The following ZSCAN1 variants were observed in gnomAD, a reference collection of about 807,000 sequenced individuals.
ZSCAN1 encodes the protein zinc finger and SCAN domain containing 1, also known as zinc finger and SCAN domain-containing protein 1.
Under a neutral mutation model 23.8 loss-of-function variants are expected in ZSCAN1, and 23 were observed. The ratio of observed to expected loss-of-function variants is 0.97; its 90% CI spans 0.70 to 1.37. The LOEUF is 1.37. Among genes scored for constraint, ZSCAN1 ranks in the 40% most tolerant of loss-of-function variants. ZSCAN1 has a pLI of 0.00. For synonymous variants in ZSCAN1, 236 were observed against 232.3 expected (o/e 1.02, Z -0.15); for missense variants, 575 against 554.0 (o/e 1.04, Z -0.38).
rs2073834478 is a variant in ZSCAN1, at chr19:58,047,600, T to C, written c.466-4890T>C. ...GGATTTACTGTGTCAGGGATGAGCC[T>C]GGCTCGGGTTGGTGGGGCTCTGAAG... On this transcript the variant is annotated intron_variant, in intron 4 of 5. Transcript: ENST00000282326. This position sits in a 1 kb window ranked among gnomAD's most constrained non-coding sequence, Gnocchi z 4.9. 6.6e-6 allele frequency among the ~76,000 whole-genome samples: 1 copy of C among 152,208 alleles called. No individual in the cohort carries two copies. The highest frequency in any genetic ancestry group is 2.4e-5 in the African/African-American group (1 of 41,456).
intron 1 of ZSCAN1, among the ~76,000 whole-genome samples, chr19:58,034,593 C>T (rs1341668946): frequency 6.6e-6 from 1 of 151,604 alleles, no homozygotes; most frequent in East Asian, 2.0e-4. Context: ...GAACAGCCGC[C>T]CCCGGACCCA....
rs2073879149 is a variant in ZSCAN1 at position 58,054,335 on chromosome 19, G to A, written c.*284G>A. 1.1e-5 allele frequency: 4 copies of A among 352,004 alleles called. No individual in the cohort carries two copies. Among genetic ancestry groups the A allele is most frequent in the Admixed American group, 4.2e-5 (1 of 23,620 alleles). 21.8% of individuals were successfully genotyped at this position (352,004 alleles called of 1,614,324 possible). A position where few individuals can be genotyped will look rare whatever the true frequency, so the allele number is the denominator to read the frequency against. The stretch of plus-strand genomic sequence containing the variant: ...AGTGGCTTGAAGAGGAGTTTCATTC[G>A]CGTCCCATCTTTCAGAAGCCTTGTC... On this transcript the variant is annotated 3_prime_UTR_variant, in exon 6 of 6. Transcript: ENST00000282326. This position sits in a 1 kb window ranked among gnomAD's most constrained non-coding sequence, Gnocchi z 4.2.
chr19:58,048,037 C>G (rs1276709937), intron 4 of ZSCAN1, among the ~76,000 whole-genome samples: 1 of 152,240 alleles, frequency 6.6e-6, no homozygotes, highest in Non-Finnish European at 1.5e-5. Flanking sequence ...AGGAATGGCA[C>G]AGGCAGCCAG....
intron 4 of ZSCAN1, among the ~76,000 whole-genome samples, chr19:58,051,870 G>C (rs1160062694): frequency 6.6e-6 from 1 of 152,258 alleles, no homozygotes; most frequent in Non-Finnish European, 1.5e-5. Context: ...TGGACACCAA[G>C]CCAAGCCCCT....
At chr19:58,052,978 G>A (rs1259815127) in intron 5 of ZSCAN1, among the ~76,000 whole-genome samples, 2 of 139,406 alleles carry the variant, frequency 1.4e-5, no homozygotes, top group African/African-American at 2.7e-5. Flanking sequence ...TTTTTTTTTC[G>A]AGACAGAGTC....
chr19:58,045,857 A>G lies in ZSCAN1; in HGVS notation c.465+5313A>G. The G allele has an allele frequency of 9.0e-7, 1 of 1,117,226 alleles. No homozygotes were observed. The highest frequency in any genetic ancestry group is 1.7e-5 in the Admixed American group (1 of 59,276). The allele number at this position is 1,117,226 out of a possible 1,614,324, so 69.2% of individuals were successfully genotyped here. A position where few individuals can be genotyped will look rare whatever the true frequency, so the allele number is the denominator to read the frequency against. On this transcript the variant is annotated intron_variant, in intron 4 of 5. Coordinates refer to ENST00000282326, the MANE Select transcript of ZSCAN1 (RefSeq NM_182572.4). The surrounding 1 kb of genome is among the most constrained non-coding windows in gnomAD (Gnocchi z 4.3). The stretch of plus-strand genomic sequence containing the variant: ...CTCCCGGACACCCTCTTGCCAGCCG[A>G]CCAGCTCAAGTCCACACTGCAGACT...
chr19:58,046,340 C>T (rs1200724408), intron 4 of ZSCAN1: 14 of 920,118 alleles, frequency 1.5e-5, no homozygotes, highest in Non-Finnish European at 2.6e-5. Context: ...CTTTCAAAGA[C>T]TGGTGAAGAA....
intron 4 of ZSCAN1, among the ~76,000 whole-genome samples, chr19:58,051,076 T>C (rs909682468): frequency 6.6e-6 from 1 of 152,156 alleles, no homozygotes; most frequent in Admixed American, 6.5e-5. Flanking sequence ...AGTGTGTCGA[T>C]AGCTCCTCTG....
At chr19:58,042,952 C>T (rs776497799) in intron 4 of ZSCAN1, among the ~76,000 whole-genome samples, 5 of 152,380 alleles carry the variant, frequency 3.3e-5, no homozygotes, top group African/African-American at 4.8e-5. Flanking sequence ...GCGAGCTGCA[C>T]TTGTGGAGGG....
downstream of ZSCAN1, among the ~76,000 whole-genome samples, chr19:58,055,902 T>A (rs2123450182): frequency 6.6e-6 from 1 of 152,186 alleles, no homozygotes; most frequent in Admixed American, 6.5e-5. Context: ...TCCAAATAAC[T>A]CATCTTCCCT....
chr19:58,035,793 C>T (rs929412175), intron 1 of ZSCAN1, among the ~76,000 whole-genome samples, 177 bp from the exon 2 acceptor site: 9 of 152,184 alleles, frequency 5.9e-5, no homozygotes, highest in African/African-American at 2.2e-4. Flanking sequence ...CTCCTTTCTC[C>T]TGGATTGTAA....
In ZSCAN1 at chr19:58,045,100, G is replaced by A. The variant is rs575355497; in HGVS notation, c.465+4556G>A. 644 of 1,241,028 alleles carry A rather than the reference G, an allele frequency of 5.2e-4. 1 individual carries two copies. The African/African-American group carries it at 7.9e-3, about 15-fold the overall frequency. The allele number at this position is 1,241,028 out of a possible 1,614,324, so 76.9% of individuals were successfully genotyped here. Reference sequence around the variant, plus strand: ...TACTACCATGGCTTCCGCCTGCTACGGATCCACACCAAGATCGCAGCACGC... The same window carrying A: ...TACTACCATGGCTTCCGCCTGCTACAGATCCACACCAAGATCGCAGCACGC... On this transcript the variant is annotated intron_variant, in intron 4 of 5. Coordinates refer to ENST00000282326, the MANE Select transcript of ZSCAN1 (RefSeq NM_182572.4). This position sits in a 1 kb window ranked among gnomAD's most constrained non-coding sequence, Gnocchi z 4.3.
intron 3 of ZSCAN1, among the ~76,000 whole-genome samples, chr19:58,039,365 G>A (rs1020278788): frequency 6.6e-6 from 1 of 152,190 alleles, no homozygotes; most frequent in Non-Finnish European, 1.5e-5. Flanking sequence ...CAACGTTTTT[G>A]AGCAAAGGGC....
chr19:58,048,158 C>T (rs939683614), intron 4 of ZSCAN1, among the ~76,000 whole-genome samples: 1 of 152,218 alleles, frequency 6.6e-6, no homozygotes, highest in Non-Finnish European at 1.5e-5. Flanking sequence ...CAATTGTAAA[C>T]CTTTGTGCAG....
rs202067407 is a variant in ZSCAN1 at position 58,052,639 on chromosome 19, C to T, written c.604+11C>T. 1.0e-5 allele frequency: 16 copies of T among 1,581,686 alleles called. No homozygotes were observed. The highest frequency in any genetic ancestry group is 1.4e-5 in the Non-Finnish European group (16 of 1,164,358). ...CCCCTGGCTTGCTGGGTGAGTCTGG[C>T]TCCTGTGTGGATTAAGGGTTGGAAA... On this transcript the variant is annotated intron_variant, in intron 5 of 5. Transcript: ENST00000282326.
At position 58,045,230 on chromosome 19, in the gene ZSCAN1, C is replaced by G. The variant is rs1158620289; in HGVS notation, c.465+4686C>G. 2 of 816,870 alleles carry G rather than the reference C, an allele frequency of 2.4e-6. No individual in the cohort carries two copies. The highest frequency in any genetic ancestry group is 3.3e-5 in the African/African-American group (2 of 59,752). 50.6% of individuals were successfully genotyped at this position (816,870 alleles called of 1,614,324 possible). A position where few individuals can be genotyped will look rare whatever the true frequency, so the allele number is the denominator to read the frequency against. On this transcript the variant is annotated intron_variant, in intron 4 of 5. Transcript: ENST00000282326. This position sits in a 1 kb window ranked among gnomAD's most constrained non-coding sequence, Gnocchi z 4.3. ...TCCGCCTGGTGCCGTTCCTCCTGTTCGTGGTGGTGCCGTTCGTGGAGTTTC... is the reference window on the plus strand; with the variant it reads ...TCCGCCTGGTGCCGTTCCTCCTGTTGGTGGTGGTGCCGTTCGTGGAGTTTC...
At chr19:58,039,717 GCCAAGAT>G (rs926507932) in intron 3 of ZSCAN1, among the ~76,000 whole-genome samples, 2 of 142,188 alleles carry the variant, frequency 1.4e-5, no homozygotes, top group African/African-American at 5.3e-5. Flanking sequence ...CTTGCAGTGA[GCCAAGAT>G]CACGCCACTG....
intron 4 of ZSCAN1, among the ~76,000 whole-genome samples, chr19:58,048,146 C>A (rs550209778): frequency 5.3e-5 from 8 of 152,358 alleles, no homozygotes; most frequent in Admixed American, 5.2e-4. Flanking sequence ...GGAGATATTT[C>A]TCAATTGTAA....
intron 4 of ZSCAN1, chr19:58,044,577 C>G (rs1054842763): frequency 1.3e-6 from 1 of 784,068 alleles, no homozygotes; most frequent in Non-Finnish European, 2.0e-6. Flanking sequence ...GCGGCCGCCA[C>G]GCCCGGACAC....
Sources: allele counts gnomAD v4.1 joint callset (sites outside exome capture counted in the v4.1 genomes callset), GRCh38; gene constraint gnomAD v4.1.1; non-coding constraint Gnocchi (gnomAD v3.1); transcripts MANE v1.5; gene names NCBI Gene and HGNC (gene_info 2026-07-23, HGNC 2026-07-21).